WRAP73: variants seen among roughly 807,000 people sequenced by gnomAD.
WRAP73 encodes WD repeat containing, antisense to TP73, also known as WD repeat-containing protein WRAP73.
WRAP73 carries 55 observed loss-of-function variants against 59.6 expected under a neutral mutation model. The observed-to-expected ratio is 0.92, with a 90% CI of 0.74 to 1.15. The LOEUF is 1.15. WRAP73 is among the 50% of genes most tolerant of loss of function. The pLI, the probability that WRAP73 is intolerant of heterozygous loss-of-function variation, is 0.00. For synonymous variants in WRAP73, 265 were observed against 258.2 expected, an observed-to-expected ratio of 1.03 and a Z score of -0.25; for missense variants, 592 against 608.1, an observed-to-expected ratio of 0.97 and a Z score of 0.28.
At chr1:3,647,684 G>T in intron 1 of WRAP73, 124 bp from the exon 2 acceptor site, 1 of 1,018,540 alleles carries the variant, frequency 9.8e-7, no homozygotes, top group Non-Finnish European at 1.4e-6. Context: ...TTCATGTCTA[G>T]ATCACCAGTG....
rs1046510386 is a variant in WRAP73 at position 3,643,120 on chromosome 1, A to C, written c.339+3546T>G. 2.6e-5 allele frequency among the ~76,000 whole-genome samples: 4 copies of C among 152,242 alleles called. No individual in the cohort carries two copies. The East Asian group carries it at 5.8e-4, about 22-fold the overall frequency. On this transcript the variant is annotated intron_variant, in intron 3 of 11. Coordinates refer to ENST00000270708, the MANE Select transcript of WRAP73 (RefSeq NM_017818.4). Reference sequence around the variant, plus strand: ...CACACGTCCAGCAGGCGAGGACTGAATGGCGTTCCTCACGAGGAAGGGAAG... The same window carrying C: ...CACACGTCCAGCAGGCGAGGACTGACTGGCGTTCCTCACGAGGAAGGGAAG...
intron 3 of WRAP73, among the ~76,000 whole-genome samples, chr1:3,641,056 A>C (rs1644639571): frequency 6.6e-6 from 1 of 152,260 alleles, no homozygotes; most frequent in Non-Finnish European, 1.5e-5. Context: ...TAAGAAAAAA[A>C]GGTAGTTAAA....
At position 3,631,518 on chromosome 1, in the gene WRAP73, C is replaced by T; in HGVS notation, c.1188G>A (p.Arg396=). 1 of 1,609,850 alleles carries T rather than the reference C, an allele frequency of 6.2e-7. No individual in the cohort carries two copies. The highest frequency in any genetic ancestry group is 8.5e-7 in the Non-Finnish European group (1 of 1,178,702). ...AGCCCGCTGGGGACCACAGGTAGAGCCTGCTGCCTCCCGTGCAGATGGCCA... is the reference window on the plus strand; with the variant it reads ...AGCCCGCTGGGGACCACAGGTAGAGTCTGCTGCCTCCCGTGCAGATGGCCA... ...PRLAICTGGS[R]LYLWSPAGCM... Residue 396 remains arginine, a synonymous_variant, in exon 11 of 12, where the codon AGG becomes AGA. Transcript: ENST00000270708.
chr1:3,632,283 T>A lies in WRAP73; in HGVS notation c.978A>T (p.Arg326Ser). 1 of 1,614,168 alleles carries A rather than the reference T, an allele frequency of 6.2e-7. No homozygotes were observed. The highest frequency in any genetic ancestry group is 8.5e-7 in the Non-Finnish European group (1 of 1,180,016). Residue 326 changes from arginine (R) to serine (S), a missense_variant, in exon 10 of 12, where the codon AGA becomes AGT. By Grantham distance (110) the Arg-to-Ser change is moderately radical (BLOSUM62 -1). Coordinates refer to ENST00000270708, the MANE Select transcript of WRAP73 (RefSeq NM_017818.4). Reference sequence around the variant, plus strand: ...TTCCTATGCCGATTTTCGGGTTTGCTCTGTCGGTAACAGGTTTCAGTGTCT... The same window carrying A: ...TTCCTATGCCGATTTTCGGGTTTGCACTGTCGGTAACAGGTTTCAGTGTCT... ...SLQTLKPVTD[R>S]ANPKIGIGML...
In WRAP73 at chr1:3,650,097, G is replaced by A. The variant is rs1570316512; in HGVS notation, c.-98C>T. On this transcript the variant is annotated 5_prime_UTR_variant, in exon 1 of 12. Transcript: ENST00000270708. ...ACAGCCGACGCCGGCCTCCGAGGCCGGAAGTCAGAAGGCGGAAGTGAACTG... is the reference window on the plus strand; with the variant it reads ...ACAGCCGACGCCGGCCTCCGAGGCCAGAAGTCAGAAGGCGGAAGTGAACTG... 3 of 1,301,804 alleles carry A rather than the reference G, an allele frequency of 2.3e-6. No homozygotes were observed. The highest frequency in any genetic ancestry group is 3.1e-6 in the Non-Finnish European group (3 of 964,290). 80.6% of individuals were successfully genotyped at this position (1,301,804 alleles called of 1,614,324 possible).
At position 3,646,926 on chromosome 1, in the gene WRAP73, A is replaced by T. The variant is rs1398486240; in HGVS notation, c.223-144T>A. On this transcript the variant is annotated intron_variant, in intron 2 of 11. Coordinates refer to ENST00000270708, the MANE Select transcript of WRAP73 (RefSeq NM_017818.4). The surrounding 1 kb of genome is among the most constrained non-coding windows in gnomAD (Gnocchi z 5.1). Reference sequence around the variant, plus strand: ...AGCAGTCTATAGCGAGGCCTCGCCGAGAGACAACTCCCTTAAAACCAGCAG... The same window carrying T: ...AGCAGTCTATAGCGAGGCCTCGCCGTGAGACAACTCCCTTAAAACCAGCAG... 2.3e-5 allele frequency: 14 copies of T among 610,112 alleles called. No individual in the cohort carries two copies. Among genetic ancestry groups the T allele is most frequent in the East Asian group, 1.8e-4 (6 of 34,242 alleles). 37.8% of individuals were successfully genotyped at this position (610,112 alleles called of 1,614,324 possible).
In WRAP73 at chr1:3,649,925, G is replaced by A. The variant is rs998632908; in HGVS notation, c.69+6C>T. Reference sequence around the variant, plus strand: ...CCTGCCCGTGGCCCAGGTCCCCGCCGCTCACCAGGTACTTGCCGTCCGGGG... The same window carrying A: ...CCTGCCCGTGGCCCAGGTCCCCGCCACTCACCAGGTACTTGCCGTCCGGGG... On this transcript the variant is annotated splice_donor_region_variant and intron_variant, in intron 1 of 11. Transcript: ENST00000270708. 6.3e-7 allele frequency: 1 copy of A among 1,598,206 alleles called. No individual in the cohort carries two copies. Among genetic ancestry groups the A allele is most frequent in the Admixed American group, 1.7e-5 (1 of 58,510 alleles).
intron 9 of WRAP73, 114 bp downstream of exon 9, chr1:3,633,284 G>T: frequency 9.9e-7 from 1 of 1,005,676 alleles, no homozygotes; most frequent in Non-Finnish European, 1.6e-6. Flanking sequence ...CTGGAAGCAT[G>T]GAAGGGAAAA....
intron 10 of WRAP73, 66 bp from the exon 11 acceptor site, chr1:3,631,723 T>A (rs1267786947): frequency 3.3e-6 from 5 of 1,535,544 alleles, no homozygotes; most frequent in Non-Finnish European, 4.4e-6. Flanking sequence ...GCCCTGCCCC[T>A]CTGCTCTGCT....
chr1:3,647,667 C>T (rs12086552), intron 1 of WRAP73, 107 bp from the exon 2 acceptor site: 6 of 1,273,182 alleles, frequency 4.7e-6, no homozygotes, highest in Non-Finnish European at 6.5e-6. Context: ...TCTCTCCTGC[C>T]AGAGGTTTCA....
chr1:3,650,080 C>A lies in WRAP73; in HGVS notation c.-81G>T, dbSNP rs566726466. ...GCGCGCAGCAGGCTGCAACAGCCGACGCCGGCCTCCGAGGCCGGAAGTCAG... is the reference window on the plus strand; with the variant it reads ...GCGCGCAGCAGGCTGCAACAGCCGAAGCCGGCCTCCGAGGCCGGAAGTCAG... On this transcript the variant is annotated 5_prime_UTR_variant, in exon 1 of 12. Transcript: ENST00000270708. The A allele has an allele frequency of 1.4e-6, 2 of 1,401,678 alleles. No individual in the cohort carries two copies. The highest frequency in any genetic ancestry group is 2.8e-5 in the East Asian group (1 of 35,972). 86.8% of individuals were successfully genotyped at this position (1,401,678 alleles called of 1,614,324 possible). A position where few individuals can be genotyped will look rare whatever the true frequency, so the allele number is the denominator to read the frequency against.
intron 9 of WRAP73, 38 bp downstream of exon 9, chr1:3,633,360 A>G: frequency 7.7e-6 from 12 of 1,561,058 alleles, no homozygotes; most frequent in Non-Finnish European, 9.7e-6. Flanking sequence ...ATCTTGCATT[A>G]AAAAAGGAAA....
intron 3 of WRAP73, among the ~76,000 whole-genome samples, chr1:3,642,470 G>T (rs573357869): frequency 1.2e-3 from 181 of 152,256 alleles, no homozygotes; most frequent in African/African-American, 4.3e-3. Flanking sequence ...TGGGCACGGT[G>T]GCTCACACCT....
rs756657354 is a variant in WRAP73, at chr1:3,641,922, C to T, written c.340-3100G>A. Among the ~76,000 whole-genome samples the T allele has an allele frequency of 2.6e-5, 4 of 152,098 alleles. 1 individual carries two copies. Among genetic ancestry groups the T allele is most frequent in the Admixed American group, 6.5e-5 (1 of 15,286 alleles). On this transcript the variant is annotated intron_variant, in intron 3 of 11. Transcript: ENST00000270708. ...GAAAGGTGGCACTGCCGCATTCGTACGGGATAAATCAGACTCTGAAACAAA... is the reference window on the plus strand; with the variant it reads ...GAAAGGTGGCACTGCCGCATTCGTATGGGATAAATCAGACTCTGAAACAAA...
At chr1:3,647,275 T>G (rs536035119) in intron 2 of WRAP73, 133 bp downstream of exon 2, 1 of 973,150 alleles carries the variant, frequency 1.0e-6, no homozygotes, top group South Asian at 2.1e-5. Flanking sequence ...TAGAGAACGT[T>G]ATAATTTCAA....
chr1:3,647,563 A>G lies in WRAP73; in HGVS notation c.70-3T>C. 1 of 1,609,082 alleles carries G rather than the reference A, an allele frequency of 6.2e-7. No individual in the cohort carries two copies. Among genetic ancestry groups the G allele is most frequent in the African/African-American group, 1.3e-5 (1 of 74,688 alleles). ...AACCGGTACTGGACACAGGAAGCCT[A>G]AAAAATATGAGAAAGCAAGCACCTG... On this transcript the variant is annotated splice_polypyrimidine_tract_variant and splice_region_variant and intron_variant, in intron 1 of 11. Transcript: ENST00000270708.
At chr1:3,632,053 C>T in intron 10 of WRAP73, 160 bp downstream of exon 10, 1 of 1,494,464 alleles carries the variant, frequency 6.7e-7, no homozygotes, top group Non-Finnish European at 8.8e-7. Context: ...AGGCCCAGCG[C>T]CTCCAAGGAG....
At chr1:3,634,743 A>G (rs977761404) in intron 8 of WRAP73, 58 of 520,602 alleles carry the variant, frequency 1.1e-4, no homozygotes, top group African/African-American at 1.1e-3. Context: ...CACAAAGGAG[A>G]AAACTGGACT....
Position 3,631,499 on chromosome 1 carries a change from C to T in WRAP73, c.1207G>A (p.Ala403Thr). The T allele has an allele frequency of 4.4e-6, 7 of 1,608,254 alleles. No individual in the cohort carries two copies. The highest frequency in any genetic ancestry group is 1.7e-4 in the Middle Eastern group (1 of 6,052). Residue 403 changes from alanine to threonine, a missense_variant, in exon 11 of 12, where the codon GCG becomes ACG. Transcript: ENST00000270708. ...GGCACCTGCACCGACATGCAGCCCGCTGGGGACCACAGGTAGAGCCTGCTG... is the reference window on the plus strand; with the variant it reads ...GGCACCTGCACCGACATGCAGCCCGTTGGGGACCACAGGTAGAGCCTGCTG... The part of the protein sequence containing the change: ...GGSRLYLWSP[A>T]GCMSVQVPGE...
Sources: allele counts gnomAD v4.1 joint callset (sites outside exome capture counted in the v4.1 genomes callset), GRCh38; gene constraint gnomAD v4.1.1; non-coding constraint Gnocchi (gnomAD v3.1); transcripts MANE v1.5; gene names NCBI Gene and HGNC (gene_info 2026-07-23, HGNC 2026-07-21).